Variants in ABITRAM observed in about 807,000 individuals in gnomAD.
ABITRAM encodes actin binding transcription modulator.
Under a neutral mutation model 22.9 loss-of-function variants are expected in ABITRAM, and 19 were observed. The observed-to-expected ratio is 0.83, with a 90% CI of 0.58 to 1.22. ABITRAM has a LOEUF of 1.22. Among genes scored for constraint, ABITRAM ranks in the 50% most tolerant of loss-of-function variants. The pLI is 0.00. For missense variants in ABITRAM, 215 were observed against 220.2 expected (o/e 0.98, Z 0.15); for synonymous variants, 70 against 73.9 (o/e 0.95, Z 0.27).
At chr9:108,950,571 G>A in exon 4 of ABITRAM, 3 of 1,550,282 alleles carry the variant, frequency 1.9e-6, no homozygotes, top group Non-Finnish European at 2.6e-6. Context: ...CTAAGCTTGG[G>A]ACTGCATCTT....
chr9:108,948,357 A>G, intron 3 of ABITRAM: 1 of 773,384 alleles, frequency 1.3e-6, no homozygotes, highest in Non-Finnish European at 2.0e-6. Context: ...AATAATATGA[A>G]TAGACTGATA....
In ABITRAM at chr9:108,936,386, C is replaced by G. The variant is rs200258029; in HGVS notation, c.210C>G (p.Ile70Met). 2.4e-5 allele frequency: 38 copies of G among 1,613,972 alleles called. 1 individual carries two copies. The Admixed American group carries it at 6.3e-4, about 27-fold the overall frequency. The change falls in exon 3 of 6, where the codon ATC becomes ATG. Residue 70 changes from isoleucine (I) to methionine (M), a missense_variant. Coordinates refer to ENST00000322940, the MANE Select transcript of ABITRAM (RefSeq NM_017832.4). The part of the protein sequence containing the change: ...GKTIKSISYQ[I>M]STNCSRLQNK... ...CAATTAAAAGCATTTCCTATCAGAT[C>G]AGTACCAACTGTAGCAGACTTCAGA...
At chr9:108,947,359 C>T (rs1020403105) in intron 3 of ABITRAM, among the ~76,000 whole-genome samples, 28 of 152,270 alleles carry the variant, frequency 1.8e-4, no homozygotes, top group African/African-American at 6.5e-4. Flanking sequence ...GTGATCCACC[C>T]ACCTTGGCCT....
intron 3 of ABITRAM, among the ~76,000 whole-genome samples, chr9:108,947,126 T>C (rs1830428596): frequency 6.6e-6 from 1 of 151,064 alleles, no homozygotes; most frequent in South Asian, 2.1e-4. Flanking sequence ...TTTTTTTTTT[T>C]TTTTTGAGAT....
At chr9:108,943,806 T>C, downstream of ABITRAM, 1 of 1,613,582 alleles carries the variant, frequency 6.2e-7, no homozygotes. Context: ...AAGCTTGTCA[T>C]CGTCTTTCAG....
At position 108,939,223 on chromosome 9, in the gene ABITRAM, CCT is replaced by C; in HGVS notation, c.294_295del (p.Cys99Ter). ...GGCACAGTTTCTAACAGAGCTTGCA[CCT>C]CTCTGTAAGATTTACTGCTCAGATG... is the stretch of plus-strand genomic sequence containing the variant. ...RGAQFLTELA[P>X]LCKIYCSDGE... is the part of the protein sequence containing the mutation. On this transcript the variant is annotated frameshift_variant, in exon 4 of 6. Coordinates refer to ENST00000322940, the MANE Select transcript of ABITRAM (RefSeq NM_017832.4). LOFTEE classifies it high-confidence loss of function. The C allele has an allele frequency of 6.2e-7, 1 of 1,613,804 alleles. No individual in the cohort carries two copies. Among genetic ancestry groups the C allele is most frequent in the Non-Finnish European group, 8.5e-7 (1 of 1,179,892 alleles).
intron 3 of ABITRAM, among the ~76,000 whole-genome samples, chr9:108,946,198 C>T (rs1244734434): frequency 1.3e-5 from 2 of 151,402 alleles, no homozygotes; most frequent in Non-Finnish European, 2.9e-5. Flanking sequence ...ACTCGGGAGG[C>T]TGAGGCAGAA....
intron 3 of ABITRAM, among the ~76,000 whole-genome samples, chr9:108,937,859 A>G (rs1314429437): frequency 7.9e-5 from 12 of 151,878 alleles, no homozygotes; most frequent in Admixed American, 5.9e-4. Context: ...TTAGCTGGGC[A>G]TGGTGGCATG....
intron 1 of ABITRAM, 86 bp from the exon 2 acceptor site, chr9:108,935,552 T>C (rs1830169504): frequency 9.5e-7 from 1 of 1,047,328 alleles, no homozygotes; most frequent in East Asian, 2.4e-5. Flanking sequence ...CCAGTCTTCA[T>C]TATCAACTAT....
chr9:108,938,693 G>GC (rs199760313), intron 3 of ABITRAM, among the ~76,000 whole-genome samples: 2 of 131,384 alleles, frequency 1.5e-5, no homozygotes, highest in Admixed American at 1.7e-4. Context: ...ATTACAAAGG[G>GC]GGGGGGGGGA....
intron 1 of ABITRAM, among the ~76,000 whole-genome samples, chr9:108,935,013 G>A (rs1314862641): frequency 6.6e-6 from 1 of 152,146 alleles, no homozygotes; most frequent in African/African-American, 2.4e-5. Flanking sequence ...CATTTAGAAA[G>A]AAGAAGAATC....
chr9:108,934,402 G>GCGCCGGAAGAGCACGCCCAGTC lies in ABITRAM; in HGVS notation c.-82_-61dup, dbSNP rs1335691696. 1.7e-6 allele frequency: 2 copies of GCGCCGGAAGAGCACGCCCAGTC among 1,186,810 alleles called. No individual in the cohort carries two copies. Among genetic ancestry groups the GCGCCGGAAGAGCACGCCCAGTC allele is most frequent in the Non-Finnish European group, 2.3e-6 (2 of 867,570 alleles). 73.5% of individuals were successfully genotyped at this position (1,186,810 alleles called of 1,614,324 possible). On this transcript the variant is annotated 5_prime_UTR_variant, in exon 1 of 6. Transcript: ENST00000322940. Reference sequence around the variant, plus strand: ...CGCGCGTGCGCACGACACGCGCTGTGCGCCGGAAGAGCACGCCCAGTCCGG... The same window carrying GCGCCGGAAGAGCACGCCCAGTC: ...CGCGCGTGCGCACGACACGCGCTGTGCGCCGGAAGAGCACGCCCAGTCCGCCGGAAGAGCACGCCCAGTCCGG...
In ABITRAM at chr9:108,934,460, G is replaced by T. The variant is rs1444169894; in HGVS notation, c.-27G>T. On this transcript the variant is annotated 5_prime_UTR_variant, in exon 1 of 6. Coordinates refer to ENST00000322940, the MANE Select transcript of ABITRAM (RefSeq NM_017832.4). ...GGAGGAAGCGCTGGGGTCCCGGAGG[G>T]CGGGGGTGGCGGCGCCGGAGGTCGC... The T allele has an allele frequency of 8.9e-6, 14 of 1,579,598 alleles. 1 individual carries two copies. In the Admixed American group the frequency reaches 2.5e-4, roughly 28 times the overall value.
At chr9:108,941,506 C>CTGTT (rs1236668903), downstream of ABITRAM, among the ~76,000 whole-genome samples, 1 of 152,116 alleles carries the variant, frequency 6.6e-6, no homozygotes, top group East Asian at 1.9e-4. Context: ...ATGATTTTGA[C>CTGTT]TGTTTAAGGA....
At chr9:108,935,040 G>GT (rs1830157728) in intron 1 of ABITRAM, among the ~76,000 whole-genome samples, 1 of 152,232 alleles carries the variant, frequency 6.6e-6, no homozygotes, top group Non-Finnish European at 1.5e-5. Flanking sequence ...TTTACCTTAA[G>GT]AGACGCCATC....
chr9:108,934,753 T>C (rs1188114089), intron 1 of ABITRAM, among the ~76,000 whole-genome samples, 188 bp downstream of exon 1: 3 of 152,136 alleles, frequency 2.0e-5, no homozygotes, highest in African/African-American at 7.2e-5. Context: ...CCTGAAATAC[T>C]TCAGGGCGCA....
chr9:108,945,262 A>G (rs1169099801), downstream of ABITRAM, among the ~76,000 whole-genome samples: 3 of 152,198 alleles, frequency 2.0e-5, no homozygotes, highest in African/African-American at 7.2e-5. Context: ...CTTAAATAAA[A>G]CAGTGTAGTA....
rs1335989806 is a variant in ABITRAM, at chr9:108,946,088, CAA to C, written c.262-4418_262-4417del. On this transcript the variant is annotated intron_variant, in intron 3 of 3. Coordinates refer to the ABITRAM transcript ENST00000374624. Reference sequence around the variant, plus strand: ...GGCTGAGGCGGGCGAATCACAAGGTCAAGAGATCGAGACCATCCTGGCCAACA... The same window carrying C: ...GGCTGAGGCGGGCGAATCACAAGGTCGAGATCGAGACCATCCTGGCCAACA... 2.0e-5 allele frequency among the ~76,000 whole-genome samples: 3 copies of C among 152,016 alleles called. No individual in the cohort carries two copies. In the East Asian group the frequency reaches 5.8e-4, roughly 29 times the overall value.
At chr9:108,942,741 G>A (rs1479410333), downstream of ABITRAM, 9 of 1,364,600 alleles carry the variant, frequency 6.6e-6, no homozygotes, top group African/African-American at 1.4e-5. Context: ...ATCACATGAT[G>A]TTCCAGAGAT....
Sources: gnomAD v4.1 joint callset for allele counts (sites outside exome capture counted in the v4.1 genomes callset) on GRCh38, gnomAD v4.1.1 for gene constraint, MANE v1.5 for transcripts, NCBI Gene and HGNC (gene_info 2026-07-23, HGNC 2026-07-21) for gene names.